The following PCDHGB7 variants were observed in gnomAD, a reference collection of about 807,000 sequenced individuals.
The protein encoded by PCDHGB7 is protocadherin gamma subfamily B, 7.
Under a neutral mutation model 61.4 loss-of-function variants are expected in PCDHGB7, and 37 were observed. The observed-to-expected ratio is 0.60, with a 90% CI of 0.46 to 0.79. The LOEUF (loss-of-function observed/expected upper bound fraction) is 0.79, where lower values mean the gene tolerates loss of function less well. PCDHGB7 is among the 30% of genes least tolerant of loss of function. The pLI, the probability that PCDHGB7 is intolerant of heterozygous loss-of-function variation, is 0.00. For synonymous variants in PCDHGB7, 464 were observed against 503.5 expected, an observed-to-expected ratio of 0.92 and a Z score of 1.05; for missense variants, 1,166 against 1,202.5, an observed-to-expected ratio of 0.97 and a Z score of 0.45.
At chr5:141,501,516 C>A (rs763346187) in intron 2 of PCDHGB7, among the ~76,000 whole-genome samples, 1 of 152,010 alleles carries the variant, frequency 6.6e-6, no homozygotes, top group Non-Finnish European at 1.5e-5. Flanking sequence ...GGCCTCCAAG[C>A]TGAAGCCCAG....
At position 141,491,640 on chromosome 5, in the gene PCDHGB7, T is replaced by A; in HGVS notation, c.2416-3167T>A. 6.2e-7 allele frequency: 1 copy of A among 1,613,804 alleles called. No homozygotes were observed. Among genetic ancestry groups the A allele is most frequent in the South Asian group, 1.1e-5 (1 of 91,086 alleles). On this transcript the variant is annotated intron_variant, in intron 1 of 3. Coordinates refer to ENST00000398594, the MANE Select transcript of PCDHGB7 (RefSeq NM_018927.4). This position sits in a 1 kb window ranked among gnomAD's most constrained non-coding sequence, Gnocchi z 6.9. ...CCCTCAGCGTTCAGCAGCCCACAGC[T>A]CTGGCGCTGGAGCCTGACGCCATCC...
intron 2 of PCDHGB7, among the ~76,000 whole-genome samples, chr5:141,498,976 GGAAGGAAGGAAGGAA>G (rs1562186940): frequency 1.5e-4 from 2 of 13,010 alleles, no homozygotes; most frequent in Admixed American, 2.9e-3. Context: ...AGGGAGGGAA[GGAAGGAAGGAAGGAA>G]GGAAGGAAGG....
At chr5:141,434,223 A>G (rs1164673241) in intron 1 of PCDHGB7, among the ~76,000 whole-genome samples, 1 of 152,214 alleles carries the variant, frequency 6.6e-6, no homozygotes, top group Non-Finnish European at 1.5e-5. Context: ...TAAACAAAGT[A>G]CGATTTCTGG....
intron 1 of PCDHGB7, chr5:141,428,358 G>C: frequency 1.8e-6 from 1 of 565,492 alleles, no homozygotes; most frequent in South Asian, 1.9e-5. Context: ...TGATTTTGGC[G>C]GTCGCCTTGC....
chr5:141,418,928 A>T lies in PCDHGB7; in HGVS notation c.1069A>T (p.Met357Leu), dbSNP rs762769886. 6.2e-7 allele frequency: 1 copy of T among 1,613,978 alleles called. No individual in the cohort carries two copies. The highest frequency in any genetic ancestry group is 2.2e-5 in the East Asian group (1 of 44,888). ...CATCACGTCACTCTCTGATCAGATT[A>T]TGGAGGATTCCCCTCCAGGAGTGGT... ...IIITSLSDQI[M>L]EDSPPGVVVA... The change falls in exon 1 of 4, where the codon ATG becomes TTG. Residue 357 changes from methionine (M) to leucine (L), a missense_variant. Transcript: ENST00000398594.
chr5:141,489,707 G>A lies in PCDHGB7; in HGVS notation c.2416-5100G>A. 6.2e-7 allele frequency: 1 copy of A among 1,614,194 alleles called. No individual in the cohort carries two copies. Among genetic ancestry groups the A allele is most frequent in the Non-Finnish European group, 8.5e-7 (1 of 1,180,022 alleles). The stretch of plus-strand genomic sequence containing the variant: ...TCTGGGGCACGATTCCCACTGGACA[G>A]TGCCCAGGATCCGGATGTGGGCACC... On this transcript the variant is annotated intron_variant, in intron 1 of 3. Transcript: ENST00000398594. The surrounding 1 kb of genome is among the most constrained non-coding windows in gnomAD (Gnocchi z 4.5).
chr5:141,476,157 G>A lies in PCDHGB7; in HGVS notation c.2416-18650G>A. On this transcript the variant is annotated intron_variant, in intron 1 of 3. Transcript: ENST00000398594. The surrounding 1 kb of genome is among the most constrained non-coding windows in gnomAD (Gnocchi z 7.6). ...TGGAGGAGCGGACTGGTAAGCACCG[G>A]GAGGGTAGTGGGAGTTTTGCTTCTG... 1 of 1,612,752 alleles carries A rather than the reference G, an allele frequency of 6.2e-7. No homozygotes were observed. Among genetic ancestry groups the A allele is most frequent in the Non-Finnish European group, 8.5e-7 (1 of 1,179,898 alleles).
At position 141,486,094 on chromosome 5, in the gene PCDHGB7, C is replaced by G. The variant is rs749887136; in HGVS notation, c.2416-8713C>G. 2 of 1,614,112 alleles carry G rather than the reference C, an allele frequency of 1.2e-6. No homozygotes were observed. Among genetic ancestry groups the G allele is most frequent in the Admixed American group, 3.3e-5 (2 of 60,018 alleles). ...CTGGAAAGCTTACTCTTTTGGGGCCCCTAGACTTTGAGAGTGAGAATTACT... is the reference window on the plus strand; with the variant it reads ...CTGGAAAGCTTACTCTTTTGGGGCCGCTAGACTTTGAGAGTGAGAATTACT... On this transcript the variant is annotated intron_variant, in intron 1 of 3. Coordinates refer to ENST00000398594, the MANE Select transcript of PCDHGB7 (RefSeq NM_018927.4). The surrounding 1 kb of genome is among the most constrained non-coding windows in gnomAD (Gnocchi z 5.0).
At position 141,485,100 on chromosome 5, in the gene PCDHGB7, C is replaced by G. The variant is rs900224386; in HGVS notation, c.2416-9707C>G. 1.0e-5 allele frequency: 12 copies of G among 1,148,882 alleles called. No homozygotes were observed. Among genetic ancestry groups the G allele is most frequent in the Non-Finnish European group, 1.4e-5 (11 of 778,894 alleles). 71.2% of individuals were successfully genotyped at this position (1,148,882 alleles called of 1,614,324 possible). On this transcript the variant is annotated intron_variant, in intron 1 of 3. Coordinates refer to ENST00000398594, the MANE Select transcript of PCDHGB7 (RefSeq NM_018927.4). This position sits in a 1 kb window ranked among gnomAD's most constrained non-coding sequence, Gnocchi z 5.7. ...GGGAAAGGGAGATAGGTGTCTCCAG[C>G]TGCTGTGGCTGTTTGGGGCGGGTCG...
At chr5:141,423,303 G>C (rs779246046) in intron 1 of PCDHGB7, 2 of 1,614,172 alleles carry the variant, frequency 1.2e-6, no homozygotes, top group Non-Finnish European at 1.7e-6. Flanking sequence ...ACCTCTCGCT[G>C]TACTTGGTGG....
chr5:141,425,585 A>T (rs1270579511), intron 1 of PCDHGB7, among the ~76,000 whole-genome samples: 1 of 152,252 alleles, frequency 6.6e-6, no homozygotes, highest in Non-Finnish European at 1.5e-5. Context: ...GGCTAACTTT[A>T]TTCTGAATAT....
chr5:141,480,413 T>C (rs1478520852), intron 1 of PCDHGB7, among the ~76,000 whole-genome samples: 2 of 135,292 alleles, frequency 1.5e-5, no homozygotes, highest in African/African-American at 3.0e-5. Context: ...AGACCCTGTC[T>C]CAAAAAAAAA....
At chr5:141,423,533 T>C (rs2096751691) in intron 1 of PCDHGB7, 1 of 1,613,650 alleles carries the variant, frequency 6.2e-7, no homozygotes, top group Non-Finnish European at 8.5e-7. Flanking sequence ...AAGAGTCACC[T>C]GATTTTCCCC....
At chr5:141,466,689 A>G (rs2099127361) in intron 1 of PCDHGB7, among the ~76,000 whole-genome samples, 1 of 152,220 alleles carries the variant, frequency 6.6e-6, no homozygotes, top group Admixed American at 6.5e-5. Context: ...CTCAAGCTTC[A>G]TCATAAATTT....
intron 1 of PCDHGB7, among the ~76,000 whole-genome samples, chr5:141,462,105 G>A (rs2099031983): frequency 6.6e-6 from 1 of 152,170 alleles, no homozygotes; most frequent in South Asian, 2.1e-4. Flanking sequence ...TTACAGGCAT[G>A]AGCCACTGCA....
intron 1 of PCDHGB7, chr5:141,421,579 T>G (rs753573473): frequency 1.9e-6 from 3 of 1,613,816 alleles, no homozygotes; most frequent in Non-Finnish European, 2.5e-6. Context: ...CTTGAAGATT[T>G]ACGGAGTGGA....
At chr5:141,423,755 GGGGGGT>G in intron 1 of PCDHGB7, 4 of 512,470 alleles carry the variant, frequency 7.8e-6, no homozygotes, top group Non-Finnish European at 1.0e-5. Context: ...CTGTTTGGGG[GGGGGGT>G]GGGGCGGCAT....
intron 1 of PCDHGB7, chr5:141,423,612 T>G: frequency 6.2e-7 from 1 of 1,611,004 alleles, no homozygotes; most frequent in Non-Finnish European, 8.5e-7. Flanking sequence ...TCTTGATAGC[T>G]GAAGACTCAG....
chr5:141,444,364 T>C (rs1191889941), intron 1 of PCDHGB7, among the ~76,000 whole-genome samples: 2 of 151,718 alleles, frequency 1.3e-5, no homozygotes, highest in Admixed American at 1.3e-4. Context: ...AGAGACGGGG[T>C]TTCTCCATGT....
Sources: gnomAD v4.1 joint callset for allele counts (sites outside exome capture counted in the v4.1 genomes callset) on GRCh38, gnomAD v4.1.1 for gene constraint, Gnocchi (gnomAD v3.1) non-coding constraint, MANE v1.5 for transcripts, NCBI Gene and HGNC (gene_info 2026-07-23, HGNC 2026-07-21) for gene names.